The following FOXJ3 variants were observed in gnomAD, a reference collection of about 807,000 sequenced individuals.
The protein encoded by FOXJ3 is forkhead box protein J3.
Under a neutral mutation model 76.1 loss-of-function variants are expected in FOXJ3, and 22 were observed. The ratio of observed to expected loss-of-function variants is 0.29; its 90% CI spans 0.21 to 0.41. The LOEUF (loss-of-function observed/expected upper bound fraction) is 0.41. FOXJ3 is among the 10% of genes least tolerant of loss of function. The pLI, the probability that FOXJ3 is intolerant of heterozygous loss-of-function variation, is 1.00. For missense variants in FOXJ3, 613 were observed against 762.1 expected (o/e 0.80, Z 2.30); for synonymous variants, 269 against 261.2 (o/e 1.03, Z -0.29).
At chr1:42,335,247 A>T (rs1656425748), upstream of FOXJ3, 1 of 151,742 alleles carries the variant, frequency 6.6e-6, no homozygotes, top group Admixed American at 6.6e-5. Context: ...CCCGACCCGC[A>T]TCCCCCGCCC....
intron 4 of FOXJ3, among the ~76,000 whole-genome samples, chr1:42,251,706 A>ACTTT (rs1650071948): frequency 1.1e-5 from 1 of 87,566 alleles, no homozygotes; most frequent in African/African-American, 4.9e-5. Context: ...GTTTGCCAGT[A>ACTTT]TTTTTTTTTT....
At chr1:42,331,633 T>C (rs1656170067) in intron 1 of FOXJ3, among the ~76,000 whole-genome samples, 1 of 152,132 alleles carries the variant, frequency 6.6e-6, no homozygotes, top group Non-Finnish European at 1.5e-5. Context: ...AGATTGTAAG[T>C]ACATTAGTGG....
intron 4 of FOXJ3, among the ~76,000 whole-genome samples, chr1:42,242,393 A>C (rs1649212046): frequency 6.6e-6 from 1 of 152,104 alleles, no homozygotes; most frequent in African/African-American, 2.4e-5. Context: ...ACAAATGAGA[A>C]ATTCACCAGG....
At chr1:42,215,002 TA>T (rs1647037562) in intron 5 of FOXJ3, among the ~76,000 whole-genome samples, 1 of 152,140 alleles carries the variant, frequency 6.6e-6, no homozygotes, top group Non-Finnish European at 1.5e-5. Flanking sequence ...TTAAGCCAGC[TA>T]AAGTACAGAT....
chr1:42,331,796 T>C (rs1009710276), intron 1 of FOXJ3, among the ~76,000 whole-genome samples: 4 of 149,820 alleles, frequency 2.7e-5, no homozygotes, highest in Admixed American at 6.7e-5. Context: ...GTGAATGAAA[T>C]GGTATGTGAA....
At chr1:42,251,222 A>C (rs975453421) in intron 4 of FOXJ3, among the ~76,000 whole-genome samples, 16 of 152,154 alleles carry the variant, frequency 1.1e-4, no homozygotes, top group African/African-American at 3.9e-4. Context: ...CACTCATTAC[A>C]TATAGAAGAA....
rs528093203 is a variant in FOXJ3 at position 42,306,589 on chromosome 1, AC to A, written c.44+4460del. Among the ~76,000 whole-genome samples the A allele has an allele frequency of 3.8e-4, 58 of 152,120 alleles. 1 individual carries two copies. The East Asian group carries it at 0.01, about 27-fold the overall frequency. On this transcript the variant is annotated intron_variant, in intron 2 of 12. Coordinates refer to ENST00000361346, the MANE Select transcript of FOXJ3 (RefSeq NM_014947.5). ...AGTGCTGGGATTACAGGCATGAGCCACGGTGCCCGGTCCCACTCTCTGAACT... is the reference window on the plus strand; with the variant it reads ...AGTGCTGGGATTACAGGCATGAGCCAGGTGCCCGGTCCCACTCTCTGAACT...
intron 1 of FOXJ3, among the ~76,000 whole-genome samples, chr1:42,311,674 T>TAGTAGTAGTAG (rs1385087488): frequency 2.0e-5 from 3 of 151,712 alleles, no homozygotes; most frequent in Non-Finnish European, 4.4e-5. Context: ...GTAGTAGTAG[T>TAGTAGTAGTAG]AGTAAAGAGA....
intron 6 of FOXJ3, among the ~76,000 whole-genome samples, chr1:42,199,764 T>C (rs926484185): frequency 2.0e-4 from 31 of 151,934 alleles, no homozygotes; most frequent in African/African-American, 7.2e-4. Context: ...AATATATGCA[T>C]TAGATGTGAA....
intron 5 of FOXJ3, among the ~76,000 whole-genome samples, chr1:42,224,948 G>A (rs569635724): frequency 3.3e-5 from 5 of 151,894 alleles, no homozygotes; most frequent in African/African-American, 4.8e-5. Context: ...TTAGCTGGGC[G>A]TGGTGGTAGT....
At chr1:42,223,530 G>A (rs1361357468) in intron 5 of FOXJ3, among the ~76,000 whole-genome samples, 1 of 152,110 alleles carries the variant, frequency 6.6e-6, no homozygotes, top group East Asian at 1.9e-4. Context: ...GTGTCTCCAA[G>A]TGGAACATCC....
chr1:42,291,534 G>T (rs1355430079), intron 2 of FOXJ3, among the ~76,000 whole-genome samples: 1 of 152,172 alleles, frequency 6.6e-6, no homozygotes, highest in Non-Finnish European at 1.5e-5. Context: ...AAATTACAGG[G>T]CTCACATCTG....
intron 4 of FOXJ3, among the ~76,000 whole-genome samples, chr1:42,237,219 C>A (rs1301151696): frequency 6.6e-6 from 1 of 151,454 alleles, no homozygotes. Flanking sequence ...ACCAAAAATA[C>A]CAAAAATTAG....
chr1:42,304,349 T>C (rs969786996), intron 2 of FOXJ3, among the ~76,000 whole-genome samples: 2 of 151,940 alleles, frequency 1.3e-5, no homozygotes, highest in Non-Finnish European at 2.9e-5. Context: ...AAAGATTCAA[T>C]GCAATCCCTA....
chr1:42,317,825 G>A (rs1655210145), intron 1 of FOXJ3, among the ~76,000 whole-genome samples: 1 of 152,000 alleles, frequency 6.6e-6, no homozygotes, highest in Non-Finnish European at 1.5e-5. Flanking sequence ...ATTCAGGAAA[G>A]GTAGAGAATG....
Position 42,179,790 on chromosome 1 carries a change from G to T in FOXJ3, c.1789C>A (p.Pro597Thr). The T allele has an allele frequency of 1.2e-6, 2 of 1,613,938 alleles. No individual in the cohort carries two copies. Among genetic ancestry groups the T allele is most frequent in the Non-Finnish European group, 1.7e-6 (2 of 1,179,836 alleles). Residue 597 changes from proline (P) to threonine (T), a missense_variant, in exon 13 of 13, where the codon CCT becomes ACT. Coordinates refer to ENST00000361346, the MANE Select transcript of FOXJ3 (RefSeq NM_014947.5). ...HRAMNQQHMM[P>T]SQAFQMRRSL... Reference sequence around the variant, plus strand: ...CGCCGCATCTGGAAGGCTTGGGAAGGCATCATGTGCTGCTGGTTCATGGCT... The same window carrying T: ...CGCCGCATCTGGAAGGCTTGGGAAGTCATCATGTGCTGCTGGTTCATGGCT...
At position 42,188,894 on chromosome 1, in the gene FOXJ3, C is replaced by T; in HGVS notation, c.1488G>A (p.Lys496=). Residue 496 remains lysine, a synonymous_variant, in exon 11 of 13, where the codon AAG becomes AAA. Transcript: ENST00000361346. ...ACTGAACCTGGTCTAAAGACCAGTT[C>T]TTGAGATCTGCCTGTCTCATACTCT... ...LMESMRQADL[K]NWSLDQVQFA... The T allele has an allele frequency of 1.9e-6, 3 of 1,611,744 alleles. No homozygotes were observed. Among genetic ancestry groups the T allele is most frequent in the Non-Finnish European group, 2.5e-6 (3 of 1,178,628 alleles).
chr1:42,227,016 G>GT (rs1203868813), intron 5 of FOXJ3, among the ~76,000 whole-genome samples: 1 of 152,220 alleles, frequency 6.6e-6, no homozygotes, highest in Non-Finnish European at 1.5e-5. Context: ...GTGAAAAATG[G>GT]TAACACTGGA....
At chr1:42,248,770 C>T (rs1649770070) in intron 4 of FOXJ3, among the ~76,000 whole-genome samples, 1 of 115,352 alleles carries the variant, frequency 8.7e-6, no homozygotes, top group South Asian at 2.9e-4. Context: ...TTCCAGGATA[C>T]AAGTGCAGAA....
Sources: allele counts gnomAD v4.1 joint callset (sites outside exome capture counted in the v4.1 genomes callset), GRCh38; gene constraint gnomAD v4.1.1; transcripts MANE v1.5; gene names NCBI Gene and HGNC (gene_info 2026-07-23, HGNC 2026-07-21).